CTH: variants seen among roughly 807,000 people sequenced by gnomAD.
The protein encoded by CTH is cystathionine gamma-lyase.
CTH carries 41 observed loss-of-function variants against 50.6 expected under a neutral mutation model. That is an observed-to-expected ratio of 0.81 (90% confidence interval 0.63 to 1.05). CTH has a LOEUF of 1.05. Ranked by LOEUF, CTH falls within the 50% of genes least tolerant of loss-of-function variation. CTH has a pLI of 0.00. For synonymous variants in CTH, 156 were observed against 168.9 expected, an observed-to-expected ratio of 0.92 and a Z score of 0.59; for missense variants, 470 against 492.6, an observed-to-expected ratio of 0.95 and a Z score of 0.43.
chr1:70,432,316 G>GT, intron 8 of CTH, 81 bp downstream of exon 8: 1 of 1,521,324 alleles, frequency 6.6e-7, no homozygotes, highest in Middle Eastern at 2.1e-4. Flanking sequence ...ACATTTATTT[G>GT]TAAGTTAGGT....
intron 10 of CTH, 132 bp downstream of exon 10, chr1:70,435,309 G>T (rs1684575268): frequency 3.5e-6 from 3 of 856,796 alleles, no homozygotes; most frequent in Non-Finnish European, 5.5e-6. Context: ...AATCAGAATG[G>T]ACTCTAACCC....
chr1:70,438,615 C>T, intron 10 of CTH, 73 bp from the exon 11 acceptor site: 2 of 1,535,586 alleles, frequency 1.3e-6, no homozygotes, highest in Non-Finnish European at 1.8e-6. Flanking sequence ...AGGGTAATTG[C>T]AGTTTATGAG....
At chr1:70,421,874 C>T (rs1396055854) in intron 4 of CTH, among the ~76,000 whole-genome samples, 199 bp downstream of exon 4, 1 of 152,116 alleles carries the variant, frequency 6.6e-6, no homozygotes, top group Non-Finnish European at 1.5e-5. Flanking sequence ...GAGTAGAATT[C>T]AAATTGTGAT....
rs1339801362 is a variant in CTH, at chr1:70,439,321, G to A, written c.*194G>A. On this transcript the variant is annotated 3_prime_UTR_variant, in exon 12 of 12. Coordinates refer to ENST00000370938, the MANE Select transcript of CTH (RefSeq NM_001902.6). Reference sequence around the variant, plus strand: ...TCTGTATGTCATGTTATAATTACAGGTCAATTCTGTTAATATCTTTTTGTT... The same window carrying A: ...TCTGTATGTCATGTTATAATTACAGATCAATTCTGTTAATATCTTTTTGTT... 4.9e-6 allele frequency: 3 copies of A among 608,282 alleles called. No individual in the cohort carries two copies. The highest frequency in any genetic ancestry group is 8.8e-6 in the Non-Finnish European group (3 of 341,754). The allele number at this position is 608,282 out of a possible 1,614,324, so 37.7% of individuals were successfully genotyped here. A position where few individuals can be genotyped will look rare whatever the true frequency, so the allele number is the denominator to read the frequency against.
chr1:70,420,062 G>T (rs535181428), intron 3 of CTH, among the ~76,000 whole-genome samples: 1 of 149,186 alleles, frequency 6.7e-6, no homozygotes, highest in Admixed American at 6.7e-5. Context: ...GCACGATCTC[G>T]GCTCACTGCA....
chr1:70,423,336 C>CTG (rs1202310210), intron 4 of CTH, among the ~76,000 whole-genome samples: 9 of 151,390 alleles, frequency 5.9e-5, no homozygotes, highest in African/African-American at 1.9e-4. Context: ...CTTTGGGAGG[C>CTG]TGAGGCAGGA....
At chr1:70,414,944 C>G (rs533712296) in intron 1 of CTH, among the ~76,000 whole-genome samples, 188 of 152,184 alleles carry the variant, frequency 1.2e-3, no homozygotes, top group African/African-American at 4.3e-3. Flanking sequence ...CTCAGCCTCC[C>G]GAGTAGCTGG....
intron 10 of CTH, among the ~76,000 whole-genome samples, chr1:70,438,232 C>T (rs754289244): frequency 3.3e-5 from 5 of 152,138 alleles, no homozygotes; most frequent in Non-Finnish European, 4.4e-5. Context: ...TCCGATGTGC[C>T]TCAGAAGGTC....
chr1:70,438,975 G>A lies in CTH; in HGVS notation c.1192-126G>A, dbSNP rs143053803. On this transcript the variant is annotated intron_variant, in intron 11 of 11. Transcript: ENST00000370938. ...TAATAGACCAGGTGTATAAATAAAC[G>A]TATAGGGAGCTCAGTCAAAGTGCAT... 1,184 of 1,559,920 alleles carry A rather than the reference G, an allele frequency of 7.6e-4. 3 individuals carry two copies. Among genetic ancestry groups the A allele is most frequent in the Admixed American group, 1.3e-3 (79 of 59,342 alleles).
At chr1:70,438,565 G>C in intron 10 of CTH, 123 bp from the exon 11 acceptor site, 3 of 1,001,062 alleles carry the variant, frequency 3.0e-6, no homozygotes, top group South Asian at 2.6e-5. Flanking sequence ...GTGAATTATA[G>C]GGGTATGCAA....
intron 1 of CTH, among the ~76,000 whole-genome samples, chr1:70,414,285 G>A (rs1171330011): frequency 3.3e-5 from 5 of 151,806 alleles, no homozygotes; most frequent in Non-Finnish European, 7.4e-5. Context: ...AGGCTGAGGC[G>A]GGTGGGTCAT....
intron 11 of CTH, 40 bp downstream of exon 11, chr1:70,438,866 G>GTGTA (rs756918121): frequency 8.1e-6 from 13 of 1,611,680 alleles, no homozygotes; most frequent in Non-Finnish European, 1.0e-5. Flanking sequence ...GTGTGTGTGT[G>GTGTA]TGTCTGCTTT....
chr1:70,430,591 G>C (rs113022155), intron 7 of CTH, among the ~76,000 whole-genome samples, 197 bp downstream of exon 7: 1 of 151,672 alleles, frequency 6.6e-6, no homozygotes, highest in African/African-American at 2.4e-5. Context: ...GCCCAGGCGG[G>C]AGTGAAGTGG....
At chr1:70,424,191 A>T in intron 4 of CTH, 94 bp from the exon 5 acceptor site, 1 of 1,600,580 alleles carries the variant, frequency 6.2e-7, no homozygotes, top group Non-Finnish European at 8.5e-7. Flanking sequence ...TGTTTCCATT[A>T]TACAATGTAG....
Position 70,430,388 on chromosome 1 carries a change from C to G in CTH, c.718C>G (p.Gln240Glu), listed in dbSNP as rs28941786. Reference sequence around the variant, plus strand: ...CCTTCATAATAGACTTCGTTTCTTGCAAAACTGTAAGTATTAAAAAGTGCA... The same window carrying G: ...CCTTCATAATAGACTTCGTTTCTTGGAAAACTGTAAGTATTAAAAAGTGCA... ...ESLHNRLRFL[Q>E]NSLGAVPSPI... The change falls in exon 7 of 12, where the codon CAA (glutamine) becomes GAA (glutamate). Residue 240 changes from glutamine (Q) to glutamate (E), a missense_variant. Gln to Glu is a conservative substitution (Grantham distance 29). Transcript: ENST00000370938. The G allele has an allele frequency of 2.6e-6, 4 of 1,545,396 alleles. No individual in the cohort carries two copies. The highest frequency in any genetic ancestry group is 3.6e-6 in the Non-Finnish European group (4 of 1,117,570).
rs767016019 is a variant in CTH at position 70,418,531 on chromosome 1, C to T, written c.346+499C>T. Among the ~76,000 whole-genome samples the T allele has an allele frequency of 1.1e-4, 16 of 152,244 alleles. No homozygotes were observed. The South Asian group carries it at 2.1e-3, about 20-fold the overall frequency. ...TCCCAAAGTTTTGGAATTACGGGCG[C>T]GAGCCGCCTCACCTGGCCAGAGATT... On this transcript the variant is annotated intron_variant, in intron 3 of 11. Transcript: ENST00000370938.
At chr1:70,438,985 C>G in intron 11 of CTH, 116 bp from the exon 12 acceptor site, 1 of 1,551,356 alleles carries the variant, frequency 6.4e-7, no homozygotes, top group Non-Finnish European at 8.9e-7. Context: ...GTATAGGGAG[C>G]TCAGTCAAAG....
chr1:70,421,466 C>A, intron 3 of CTH, 100 bp from the exon 4 acceptor site: 3 of 1,263,936 alleles, frequency 2.4e-6, no homozygotes, highest in Non-Finnish European at 3.4e-6. Flanking sequence ...TCCTTGGTGA[C>A]TGAGAGTTCC....
At chr1:70,426,990 A>G (rs1010178193) in intron 5 of CTH, among the ~76,000 whole-genome samples, 2 of 152,132 alleles carry the variant, frequency 1.3e-5, no homozygotes, top group African/African-American at 2.4e-5. Flanking sequence ...TGAAGCCCAC[A>G]TCACATTCCG....
Sources: gnomAD v4.1 joint callset for allele counts (sites outside exome capture counted in the v4.1 genomes callset) on GRCh38, gnomAD v4.1.1 for gene constraint, MANE v1.5 for transcripts, NCBI Gene and HGNC (gene_info 2026-07-23, HGNC 2026-07-21) for gene names.